MTUS1: variants seen among roughly 807,000 people sequenced by gnomAD.
The protein encoded by MTUS1 is microtubule associated scaffold protein 1, also known as microtubule-associated tumor suppressor 1.
A neutral mutation model predicts 120.8 loss-of-function variants in MTUS1; 109 were observed. The observed-to-expected ratio is 0.90, with a 90% CI of 0.77 to 1.06. The LOEUF is 1.06. Among genes scored for constraint, MTUS1 ranks in the 50% least tolerant of loss-of-function variants. The pLI is 0.00. For synonymous variants in MTUS1, 737 were observed against 550.5 expected (o/e 1.34, Z -4.74); for missense variants, 2,210 against 1,486.3 (o/e 1.49, Z -8.01).
At chr8:17,728,797 G>C (rs1459329679) in intron 3 of MTUS1, among the ~76,000 whole-genome samples, 1 of 152,138 alleles carries the variant, frequency 6.6e-6, no homozygotes, top group African/African-American at 2.4e-5. Flanking sequence ...GGGTCGGGGA[G>C]GGTGAGGCTT....
At chr8:17,716,309 T>C (rs1822318992) in intron 4 of MTUS1, among the ~76,000 whole-genome samples, 1 of 152,188 alleles carries the variant, frequency 6.6e-6, no homozygotes, top group Non-Finnish European at 1.5e-5. Flanking sequence ...ACAAGAACAG[T>C]AACATACAGA....
chr8:17,783,356 C>A (rs905853807), intron 1 of MTUS1, among the ~76,000 whole-genome samples: 2 of 152,198 alleles, frequency 1.3e-5, no homozygotes, highest in African/African-American at 4.8e-5. Context: ...CAAAGGAACA[C>A]AACATGGACC....
intron 7 of MTUS1, among the ~76,000 whole-genome samples, chr8:17,679,325 T>G (rs959453175): frequency 6.8e-5 from 2 of 29,424 alleles, no homozygotes; most frequent in African/African-American, 1.5e-4. Flanking sequence ...TATCTGTATC[T>G]ATTTTATATA....
chr8:17,654,915 T>A (rs1411128375), intron 9 of MTUS1: 3 of 519,828 alleles, frequency 5.8e-6, no homozygotes, highest in African/African-American at 5.7e-5. Context: ...GTCGCGAGAC[T>A]CTGTCCCCAC....
intron 12 of MTUS1, among the ~76,000 whole-genome samples, chr8:17,652,205 G>A (rs142851368): frequency 6.6e-6 from 1 of 152,182 alleles, no homozygotes; most frequent in Non-Finnish European, 1.5e-5. Context: ...TTGGGGTAAG[G>A]CTGGGGAAAA....
rs540115853 is a variant in MTUS1, at chr8:17,645,789, C to T, written c.*137G>A. The T allele has an allele frequency of 6.9e-6, 8 of 1,156,110 alleles. No homozygotes were observed. The highest frequency in any genetic ancestry group is 6.3e-5 in the African/African-American group (4 of 63,212). The allele number at this position is 1,156,110 out of a possible 1,614,324, so 71.6% of individuals were successfully genotyped here. On this transcript the variant is annotated 3_prime_UTR_variant, in exon 15 of 15. Coordinates refer to ENST00000693296, the MANE Select transcript of MTUS1 (RefSeq NM_001363059.2). Reference sequence around the variant, plus strand: ...CCAGTCTCAGAAGCTGCGATTCCGCCGGTGGTGACGCTCCAGTTACCCTAC... The same window carrying T: ...CCAGTCTCAGAAGCTGCGATTCCGCTGGTGGTGACGCTCCAGTTACCCTAC...
rs745820174 is a variant in MTUS1, at chr8:17,723,666, A to T, written c.2449+6T>A. ...ACCCCCGAAGTGTGATATAAAGTCG[A>T]CTTACAATTGTTGCTGTAAGTGCTC... is the stretch of plus-strand genomic sequence containing the variant. On this transcript the variant is annotated splice_donor_region_variant and intron_variant, in intron 4 of 14. Transcript: ENST00000693296. The T allele has an allele frequency of 1.9e-6, 3 of 1,607,778 alleles. No individual in the cohort carries two copies. In the Admixed American group the frequency reaches 5.0e-5, roughly 27 times the overall value.
chr8:17,661,972 T>C (rs756116058), intron 8 of MTUS1, among the ~76,000 whole-genome samples: 1 of 152,206 alleles, frequency 6.6e-6, no homozygotes, highest in African/African-American at 2.4e-5. Context: ...ACTCATGAAG[T>C]ATTTTTTAAA....
At chr8:17,734,276 T>C (rs2046784549) in intron 3 of MTUS1, 1 of 152,214 alleles carries the variant, frequency 6.6e-6, no homozygotes, top group Non-Finnish European at 1.5e-5. Context: ...TCTAGATTTA[T>C]ATGTTGCAAA....
At chr8:17,776,626 G>A (rs10112243) in intron 1 of MTUS1, among the ~76,000 whole-genome samples, 11,287 of 139,074 alleles carry the variant, frequency 0.081, 1,437 homozygotes, top group African/African-American at 0.28. Flanking sequence ...TTGTAGTGAG[G>A]TGAGACTGCA....
At chr8:17,775,181 C>T (rs978946600) in intron 1 of MTUS1, among the ~76,000 whole-genome samples, 1 of 152,078 alleles carries the variant, frequency 6.6e-6, no homozygotes, top group Non-Finnish European at 1.5e-5. Flanking sequence ...GTGATAGTTA[C>T]ACAACTTTGT....
intron 8 of MTUS1, among the ~76,000 whole-genome samples, chr8:17,669,482 A>G (rs1287175656): frequency 2.0e-5 from 3 of 152,192 alleles, no homozygotes; most frequent in African/African-American, 7.2e-5. Context: ...GTCAAATCAT[A>G]AATGGTGTGC....
intron 6 of MTUS1, among the ~76,000 whole-genome samples, chr8:17,699,725 T>C (rs66834522): frequency 0.31 from 46,622 of 152,168 alleles, 8,754 homozygotes; most frequent in Middle Eastern, 0.48. Flanking sequence ...TTCCCAAACA[T>C]AGTCTGCCTC....
chr8:17,712,453 C>A (rs1399981184), intron 6 of MTUS1, among the ~76,000 whole-genome samples: 1 of 152,080 alleles, frequency 6.6e-6, no homozygotes, highest in Non-Finnish European at 1.5e-5. Flanking sequence ...TATCCTGCCT[C>A]AGCCTCCTGA....
At chr8:17,713,158 T>G (rs568022660) in intron 6 of MTUS1, 56 bp downstream of exon 6, 164 of 1,331,116 alleles carry the variant, frequency 1.2e-4, no homozygotes, top group Middle Eastern at 1.8e-4. Context: ...ATACTTGTAG[T>G]AACATAACTT....
intron 1 of MTUS1, among the ~76,000 whole-genome samples, chr8:17,797,897 C>T (rs10098719): frequency 0.83 from 126,989 of 152,108 alleles, 53,465 homozygotes; most frequent in African/African-American, 0.88. Flanking sequence ...GAGAAAGAAC[C>T]CAACTTTGAG....
chr8:17,749,669 A>G (rs77416854), intron 2 of MTUS1, among the ~76,000 whole-genome samples: 7 of 151,048 alleles, frequency 4.6e-5, no homozygotes, highest in East Asian at 3.9e-4. Context: ...CAAAAAAAAA[A>G]AAAAAAAAAG....
At position 17,739,624 on chromosome 8, in the gene MTUS1, C is replaced by G. The variant is rs115010322; in HGVS notation, c.2287+3980G>C. Among the ~76,000 whole-genome samples the G allele has an allele frequency of 9.5e-3, 1,440 of 152,248 alleles. 33 individuals carry two copies. The highest frequency in any genetic ancestry group is 0.032 in the African/African-American group (1,341 of 41,538). On this transcript the variant is annotated intron_variant, in intron 3 of 14. Coordinates refer to ENST00000693296, the MANE Select transcript of MTUS1 (RefSeq NM_001363059.2). The stretch of plus-strand genomic sequence containing the variant: ...GTCTGAATCCCACCTCTGCCACTTT[C>G]CAGCTGTTTAACATTGGACAAATTA...
chr8:17,798,884 A>G lies in MTUS1; in HGVS notation c.-155+2177T>C, dbSNP rs192817846. Reference sequence around the variant, plus strand: ...AATGGAAAAATACTAATATCCCAGGAGAAAAATCTGGCACTACATCAAATT... The same window carrying G: ...AATGGAAAAATACTAATATCCCAGGGGAAAAATCTGGCACTACATCAAATT... On this transcript the variant is annotated intron_variant, in intron 1 of 14. Coordinates refer to ENST00000693296, the MANE Select transcript of MTUS1 (RefSeq NM_001363059.2). Among the ~76,000 whole-genome samples, 202 of 152,374 alleles carry G rather than the reference A, an allele frequency of 1.3e-3. 1 individual carries two copies. The highest frequency in any genetic ancestry group is 2.1e-3 in the Non-Finnish European group (142 of 68,044).
Sources: allele counts gnomAD v4.1 joint callset (sites outside exome capture counted in the v4.1 genomes callset), GRCh38; gene constraint gnomAD v4.1.1; transcripts MANE v1.5; gene names NCBI Gene and HGNC (gene_info 2026-07-23, HGNC 2026-07-21).